The following TMEM232 variants were observed in gnomAD, a reference collection of about 807,000 sequenced individuals.
The protein encoded by TMEM232 is transmembrane protein 232.
In TMEM232, 80 loss-of-function variants were observed where a neutral mutation model predicts 78.8. The observed-to-expected ratio is 1.01, with a 90% confidence interval of 0.85 to 1.22. The LOEUF (loss-of-function observed/expected upper bound fraction) is 1.22, where lower values mean the gene tolerates loss of function less well. TMEM232 is among the 50% of genes most tolerant of loss of function. TMEM232 has a pLI of 0.00. For missense variants in TMEM232, 881 were observed against 742.2 expected, an observed-to-expected ratio of 1.19 and a Z score of -2.17; for synonymous variants, 297 against 254.3, an observed-to-expected ratio of 1.17 and a Z score of -1.60.
intron 13 of TMEM232, among the ~76,000 whole-genome samples, chr5:110,423,952 T>C (rs1348256171): frequency 6.6e-6 from 1 of 152,150 alleles, no homozygotes; most frequent in Non-Finnish European, 1.5e-5. Flanking sequence ...TGTACATATA[T>C]TGGTTTAACA....
chr5:110,443,372 G>A (rs1425554026), intron 12 of TMEM232, among the ~76,000 whole-genome samples: 3 of 152,008 alleles, frequency 2.0e-5, no homozygotes, highest in Non-Finnish European at 4.4e-5. Flanking sequence ...AATACCACTG[G>A]CCCATGGGGA....
chr5:110,618,794 A>C (rs1783265295), intron 7 of TMEM232, among the ~76,000 whole-genome samples: 1 of 152,176 alleles, frequency 6.6e-6, no homozygotes, highest in South Asian at 2.1e-4. Context: ...GTGTTCAATG[A>C]TATCAGCTCT....
chr5:110,464,509 A>T (rs552229486), intron 12 of TMEM232, among the ~76,000 whole-genome samples: 1 of 152,170 alleles, frequency 6.6e-6, no homozygotes, highest in Non-Finnish European at 1.5e-5. Flanking sequence ...AATTGGAAGA[A>T]TGCCATAAAT....
At chr5:110,397,938 G>A (rs1209135107) in intron 2 of TMEM232, 1 of 152,372 alleles carries the variant, frequency 6.6e-6, no homozygotes, top group Non-Finnish European at 1.5e-5. Flanking sequence ...GTCACTCTAG[G>A]TGAATACAAT....
chr5:110,530,890 GTTAT>G (rs1219853450), intron 11 of TMEM232, among the ~76,000 whole-genome samples: 2 of 152,056 alleles, frequency 1.3e-5, no homozygotes, highest in Non-Finnish European at 2.9e-5. Context: ...ACTATATGAG[GTTAT>G]TTGTTAATTA....
intron 11 of TMEM232, among the ~76,000 whole-genome samples, chr5:110,553,270 A>C (rs1165189369): frequency 6.6e-6 from 1 of 152,100 alleles, no homozygotes; most frequent in Non-Finnish European, 1.5e-5. Flanking sequence ...TCTGTGAAAA[A>C]ATATTGGTAG....
At chr5:110,519,120 T>C (rs1169729898) in intron 12 of TMEM232, among the ~76,000 whole-genome samples, 1 of 151,704 alleles carries the variant, frequency 6.6e-6, no homozygotes, top group African/African-American at 2.4e-5. Flanking sequence ...TTCTGAAAAA[T>C]GGGATGAAAT....
chr5:110,508,018 C>G (rs1767147030), intron 12 of TMEM232, among the ~76,000 whole-genome samples: 1 of 152,158 alleles, frequency 6.6e-6, no homozygotes, highest in Non-Finnish European at 1.5e-5. Context: ...TCAGAATTCT[C>G]TGTGACAATG....
intron 1 of TMEM232, among the ~76,000 whole-genome samples, chr5:110,705,738 A>ATATGTG (rs1554082729): frequency 2.1e-5 from 3 of 144,362 alleles, no homozygotes; most frequent in African/African-American, 7.8e-5. Flanking sequence ...ACACACACAT[A>ATATGTG]TGTGTGTGTG....
chr5:110,606,891 A>G (rs979938609), intron 8 of TMEM232, among the ~76,000 whole-genome samples: 12 of 152,066 alleles, frequency 7.9e-5, no homozygotes, highest in Non-Finnish European at 5.9e-5. Flanking sequence ...TGAAAATTAC[A>G]TATTTGTGAT....
chr5:110,652,460 T>A (rs2150065029), intron 2 of TMEM232, among the ~76,000 whole-genome samples: 1 of 152,338 alleles, frequency 6.6e-6, no homozygotes, highest in African/African-American at 2.4e-5. Context: ...GAAAATAATA[T>A]CTAATTCAAT....
intron 4 of TMEM232, among the ~76,000 whole-genome samples, chr5:110,390,102 C>G (rs936472179): frequency 3.6e-4 from 55 of 152,224 alleles, no homozygotes; most frequent in African/African-American, 1.3e-3. Flanking sequence ...TCTCTCACTA[C>G]ACCCATAACC....
intron 1 of TMEM232, among the ~76,000 whole-genome samples, chr5:110,706,846 T>C (rs1795977208): frequency 1.3e-5 from 2 of 152,298 alleles, no homozygotes; most frequent in South Asian, 2.1e-4. Flanking sequence ...ACAGTAGCTT[T>C]TGCATTCTCA....
intron 7 of TMEM232, among the ~76,000 whole-genome samples, chr5:110,622,688 G>GT (rs1783905022): frequency 6.6e-6 from 1 of 152,064 alleles, no homozygotes; most frequent in Non-Finnish European, 1.5e-5. Context: ...ATGATTTACA[G>GT]TCCTTTGGGT....
intron 10 of TMEM232, among the ~76,000 whole-genome samples, chr5:110,573,728 G>T (rs987809907): frequency 6.6e-6 from 1 of 152,102 alleles, no homozygotes; most frequent in South Asian, 2.1e-4. Flanking sequence ...CCATGAGGAG[G>T]TGATATTCAA....
intron 13 of TMEM232, among the ~76,000 whole-genome samples, chr5:110,424,620 C>G (rs1757042769): frequency 6.6e-6 from 1 of 152,052 alleles, no homozygotes; most frequent in African/African-American, 2.4e-5. Flanking sequence ...TTACAAATGA[C>G]AGAAGGTCAA....
chr5:110,693,386 A>T (rs1794373203), intron 1 of TMEM232, among the ~76,000 whole-genome samples: 1 of 152,204 alleles, frequency 6.6e-6, no homozygotes, highest in African/African-American at 2.4e-5. Flanking sequence ...AAACTCTAAA[A>T]ATCAGAGTGC....
intron 2 of TMEM232, among the ~76,000 whole-genome samples, chr5:110,662,047 TC>T (rs1410957166): frequency 6.6e-6 from 1 of 152,164 alleles, no homozygotes; most frequent in Admixed American, 6.6e-5. Context: ...TGGTTAATAG[TC>T]CCTTGTCAGT....
At chr5:110,712,744 A>C (rs1455114725) in intron 1 of TMEM232, among the ~76,000 whole-genome samples, 1 of 152,184 alleles carries the variant, frequency 6.6e-6, no homozygotes, top group Non-Finnish European at 1.5e-5. Context: ...TTTTGTCCAA[A>C]AGACATGCAA....
Sources: gnomAD v4.1 joint callset for allele counts (sites outside exome capture counted in the v4.1 genomes callset) on GRCh38, gnomAD v4.1.1 for gene constraint, MANE v1.5 for transcripts, NCBI Gene and HGNC (gene_info 2026-07-23, HGNC 2026-07-21) for gene names.